The following PPP1R42 variants were observed in gnomAD, a reference collection of about 807,000 sequenced individuals.
The protein encoded by PPP1R42 is protein phosphatase 1 regulatory subunit 42.
A neutral mutation model predicts 31.0 loss-of-function variants in PPP1R42; 34 were observed. That is an observed-to-expected ratio of 1.10 (90% confidence interval 0.83 to 1.46). PPP1R42 has a LOEUF of 1.46. Among genes scored for constraint, PPP1R42 ranks in the 40% most tolerant of loss-of-function variants. The pLI is 0.00. For missense variants in PPP1R42, 268 were observed against 303.0 expected, an observed-to-expected ratio of 0.88 and a Z score of 0.86; for synonymous variants, 103 against 109.8, an observed-to-expected ratio of 0.94 and a Z score of 0.39.
chr8:66,985,707 A>T, intron 6 of PPP1R42: 1 of 1,325,882 alleles, frequency 7.5e-7, no homozygotes, highest in South Asian at 1.2e-5. Context: ...GTTGGGAGGA[A>T]GAAGGAGTCT....
chr8:66,965,238 T>G (rs1421111375), intron 7 of PPP1R42, among the ~76,000 whole-genome samples: 2 of 140,442 alleles, frequency 1.4e-5, no homozygotes, highest in Non-Finnish European at 3.0e-5. Flanking sequence ...CACTCCAGCC[T>G]GGGCGACAGA....
chr8:67,011,374 A>G (rs1815839372), intron 4 of PPP1R42, among the ~76,000 whole-genome samples: 1 of 152,162 alleles, frequency 6.6e-6, no homozygotes, highest in African/African-American at 2.4e-5. Context: ...AAAAATACAA[A>G]AAATTAGCTG....
intron 5 of PPP1R42, among the ~76,000 whole-genome samples, chr8:66,998,070 G>T (rs1392918041): frequency 6.6e-6 from 1 of 151,964 alleles, no homozygotes; most frequent in Non-Finnish European, 1.5e-5. Context: ...TTTCAATTTT[G>T]CTATGAATCT....
At chr8:67,028,373 G>A (rs1816466658) in intron 1 of PPP1R42, 118 bp downstream of exon 1, 1 of 422,222 alleles carries the variant, frequency 2.4e-6, no homozygotes. Flanking sequence ...TCTAAAGATA[G>A]GGCCCAAGGA....
intron 6 of PPP1R42, 200 bp downstream of exon 6, chr8:66,988,196 TTTAA>T (rs1250042301): frequency 1.7e-6 from 2 of 1,200,704 alleles, no homozygotes; most frequent in African/African-American, 1.6e-5. Flanking sequence ...TATCAGGTGC[TTTAA>T]TTACTTCTGA....
At chr8:66,995,316 A>G (rs1815305303) in intron 5 of PPP1R42, among the ~76,000 whole-genome samples, 1 of 152,224 alleles carries the variant, frequency 6.6e-6, no homozygotes, top group Non-Finnish European at 1.5e-5. Context: ...TATCCTGGGC[A>G]ATGTCTATAT....
At chr8:66,991,986 G>C (rs1815202552) in intron 5 of PPP1R42, among the ~76,000 whole-genome samples, 2 of 152,134 alleles carry the variant, frequency 1.3e-5, no homozygotes, top group African/African-American at 4.8e-5. Flanking sequence ...CTATAGTGTG[G>C]ATAACAGCTG....
intron 6 of PPP1R42, chr8:66,985,533 C>T (rs537717191): frequency 5.7e-5 from 73 of 1,280,634 alleles, no homozygotes; most frequent in East Asian, 3.5e-4. Flanking sequence ...GGAGATTAGA[C>T]GGGCCCACCA....
intron 6 of PPP1R42, among the ~76,000 whole-genome samples, chr8:66,987,287 C>CTTTTTTT (rs71249412): frequency 2.8e-5 from 3 of 106,008 alleles, no homozygotes; most frequent in African/African-American, 3.8e-5. Context: ...AGCAAATGAT[C>CTTTTTTT]TTTTTTTTTT....
intron 1 of PPP1R42, among the ~76,000 whole-genome samples, chr8:67,027,329 CA>C (rs1292630820): frequency 6.6e-6 from 1 of 152,102 alleles, no homozygotes; most frequent in African/African-American, 2.4e-5. Flanking sequence ...AACTGGTGTT[CA>C]CATAGATAAA....
At chr8:66,977,732 C>G (rs1814719277) in intron 7 of PPP1R42, among the ~76,000 whole-genome samples, 2 of 152,026 alleles carry the variant, frequency 1.3e-5, no homozygotes, top group Non-Finnish European at 2.9e-5. Flanking sequence ...TCTTGAACTC[C>G]TGACCTCAAG....
intron 4 of PPP1R42, among the ~76,000 whole-genome samples, chr8:67,011,746 G>A (rs1815848860): frequency 6.6e-6 from 1 of 152,052 alleles, no homozygotes; most frequent in Non-Finnish European, 1.5e-5. Context: ...TGAGGCTCAG[G>A]AATCTCTACC....
intron 6 of PPP1R42, chr8:66,985,919 T>C (rs1364154544): frequency 3.7e-5 from 32 of 858,876 alleles, no homozygotes; most frequent in Non-Finnish European, 5.2e-5. Flanking sequence ...TGATGATTCC[T>C]TGGAGAGCTC....
At chr8:66,978,340 C>T (rs1233044993) in intron 7 of PPP1R42, among the ~76,000 whole-genome samples, 2 of 152,160 alleles carry the variant, frequency 1.3e-5, no homozygotes, top group Non-Finnish European at 2.9e-5. Flanking sequence ...CAATTATCTC[C>T]CACCACGTCC....
At chr8:66,981,272 A>G (rs568861124) in intron 7 of PPP1R42, among the ~76,000 whole-genome samples, 1 of 152,230 alleles carries the variant, frequency 6.6e-6, no homozygotes, top group South Asian at 2.1e-4. Flanking sequence ...GTATATTATA[A>G]TCCAAATTTT....
intron 1 of PPP1R42, among the ~76,000 whole-genome samples, chr8:67,024,076 G>C (rs1167533267): frequency 6.6e-6 from 1 of 151,912 alleles, no homozygotes; most frequent in East Asian, 1.9e-4. Context: ...AACCCGTTAG[G>C]AGGAGGTTGC....
chr8:67,004,989 A>G (rs188288394), intron 5 of PPP1R42, among the ~76,000 whole-genome samples: 2 of 152,252 alleles, frequency 1.3e-5, no homozygotes, highest in Non-Finnish European at 2.9e-5. Flanking sequence ...ACTTTTGCCC[A>G]GCGTTTTAAA....
intron 5 of PPP1R42, among the ~76,000 whole-genome samples, chr8:66,991,586 T>C (rs1442542447): frequency 6.6e-6 from 1 of 152,210 alleles, no homozygotes; most frequent in East Asian, 1.9e-4. Flanking sequence ...CCAAGTTTTC[T>C]CAGTTATCTG....
chr8:67,027,798 C>T (rs991663851), intron 1 of PPP1R42, among the ~76,000 whole-genome samples: 2 of 152,068 alleles, frequency 1.3e-5, no homozygotes, highest in African/African-American at 4.8e-5. Context: ...ACTGCTTTTG[C>T]CTACTTTCCA....
Sources: gnomAD v4.1 joint callset for allele counts (sites outside exome capture counted in the v4.1 genomes callset) on GRCh38, gnomAD v4.1.1 for gene constraint, MANE v1.5 for transcripts, NCBI Gene and HGNC (gene_info 2026-07-23, HGNC 2026-07-21) for gene names.